TSC22D2: variants seen among roughly 807,000 people sequenced by gnomAD.
TSC22D2 encodes the protein TSC22 domain family member 2.
TSC22D2 carries 5 observed loss-of-function variants against 50.1 expected under a neutral mutation model. The observed-to-expected ratio is 0.10, with a 90% confidence interval of 0.05 to 0.21. The LOEUF (loss-of-function observed/expected upper bound fraction) is 0.21. Among genes scored for constraint, TSC22D2 ranks in the 10% least tolerant of loss-of-function variants. The pLI, the probability that TSC22D2 is intolerant of heterozygous loss-of-function variation, is 1.00. For missense variants in TSC22D2, 1,003 were observed against 1,015.5 expected, an observed-to-expected ratio of 0.99 and a Z score of 0.17; for synonymous variants, 501 against 450.1, an observed-to-expected ratio of 1.11 and a Z score of -1.43.
intron 1 of TSC22D2, among the ~76,000 whole-genome samples, chr3:150,426,743 A>C (rs1016258570): frequency 6.6e-6 from 1 of 152,188 alleles, no homozygotes; most frequent in Non-Finnish European, 1.5e-5. Flanking sequence ...TTTAGAGAGA[A>C]GTTAATAAGG....
At chr3:150,445,080 GT>G (rs2108093740) in intron 1 of TSC22D2, among the ~76,000 whole-genome samples, 1 of 151,952 alleles carries the variant, frequency 6.6e-6, no homozygotes, top group Non-Finnish European at 1.5e-5. Context: ...TTATATTTCA[GT>G]GGGCTTTGGA....
At position 150,410,250 on chromosome 3, in the gene TSC22D2, C is replaced by G. The variant is rs771370449; in HGVS notation, c.900C>G (p.Thr300=). The change falls in exon 1 of 3, where the codon ACC becomes ACG. Residue 300 remains threonine (T), a synonymous_variant. Transcript: ENST00000688009. The stretch of plus-strand genomic sequence containing the variant: ...TGCCGCCGTTCCCGGGAGCCGCGAC[C>G]GGGCCGCAGCCAATGATGGCAGCCG... ...APLPPFPGAA[T]GPQPMMAAAQ... The G allele has an allele frequency of 1.3e-5, 21 of 1,557,570 alleles. No homozygotes were observed. Among genetic ancestry groups the G allele is most frequent in the Non-Finnish European group, 1.8e-5 (21 of 1,152,172 alleles).
chr3:150,421,635 T>G (rs1720013073), intron 1 of TSC22D2, among the ~76,000 whole-genome samples: 1 of 152,154 alleles, frequency 6.6e-6, no homozygotes, highest in South Asian at 2.1e-4. Context: ...ATTAGTCTCC[T>G]AATTAATCAA....
chr3:150,409,472 C>G lies in TSC22D2; in HGVS notation c.122C>G (p.Thr41Arg), dbSNP rs1719412473. The G allele has an allele frequency of 1.2e-6, 2 of 1,613,318 alleles. No individual in the cohort carries two copies. The highest frequency in any genetic ancestry group is 1.7e-6 in the Non-Finnish European group (2 of 1,179,848). The change falls in exon 1 of 3, where the codon ACA (threonine) becomes AGA (arginine). Residue 41 changes from threonine (T) to arginine (R), a missense_variant. By Grantham distance (71) the Thr-to-Arg change is moderately conservative. Around this residue, in one of 6 missense-constraint regions of TSC22D2, gnomAD observed 200 missense variants for 182.8 expected, o/e 1.09. Transcript: ENST00000688009. This position sits in a 1 kb window ranked among gnomAD's most constrained non-coding sequence, Gnocchi z 7.4. Reference protein sequence around the residue: ...ESLDDPDESRTEDVSSEIFDV... With the variant: ...ESLDDPDESRREDVSSEIFDV... ...TTGGACGACCCGGACGAGTCACGCA[C>G]AGAGGACGTCTCCTCCGAGATTTTC...
chr3:150,423,933 T>G (rs1026140686), intron 1 of TSC22D2, among the ~76,000 whole-genome samples: 2 of 152,216 alleles, frequency 1.3e-5, no homozygotes, highest in African/African-American at 4.8e-5. Flanking sequence ...ATTTGTGTCT[T>G]CTGGCATAGT....
At chr3:150,425,013 T>C (rs1720133130) in intron 1 of TSC22D2, among the ~76,000 whole-genome samples, 2 of 152,230 alleles carry the variant, frequency 1.3e-5, no homozygotes, top group South Asian at 4.1e-4. Context: ...CTGATAGGTA[T>C]ATCAGCTAAT....
chr3:150,410,786 A>T lies in TSC22D2; in HGVS notation c.1436A>T (p.Gln479Leu), dbSNP rs777539461. 1 of 1,612,396 alleles carries T rather than the reference A, an allele frequency of 6.2e-7. No homozygotes were observed. The highest frequency in any genetic ancestry group is 1.7e-5 in the Admixed American group (1 of 59,916). The change falls in exon 1 of 3, where the codon CAG becomes CTG. Residue 479 changes from glutamine to leucine, a missense_variant. Around this residue, in one of 6 missense-constraint regions of TSC22D2, gnomAD observed 696 missense variants for 647.8 expected, o/e 1.07. Coordinates refer to ENST00000688009, the MANE Select transcript of TSC22D2 (RefSeq NM_001303264.2). ...GGTCCTGCCGGGGCTGGGCAGCCCC[A>T]GTCCGTGCCTCCGCCGCAGATGGGT... ...CLGPAGAGQPQSVPPPQMGGS... is the reference protein window; with the variant it reads ...CLGPAGAGQPLSVPPPQMGGS...
chr3:150,452,948 A>C (rs1721084517), intron 1 of TSC22D2, among the ~76,000 whole-genome samples: 1 of 152,204 alleles, frequency 6.6e-6, no homozygotes, highest in Non-Finnish European at 1.5e-5. Flanking sequence ...TTTTGACTTT[A>C]TTTAGCATTT....
At chr3:150,455,954 T>TA (rs1459253628) in intron 1 of TSC22D2, among the ~76,000 whole-genome samples, 1 of 152,166 alleles carries the variant, frequency 6.6e-6, no homozygotes, top group Admixed American at 6.5e-5. Flanking sequence ...TACTACTTAA[T>TA]ACATGGTAGA....
rs568177632 is a variant in TSC22D2, at chr3:150,442,073, C to T, written c.1959-15003C>T. ...ATGTGAAAATGCAACAACCTTCTGA[C>T]TAGTCCTTGTCGTTTAAGTTTTCTA... On this transcript the variant is annotated intron_variant, in intron 1 of 2. Transcript: ENST00000688009. Among the ~76,000 whole-genome samples the T allele has an allele frequency of 2.0e-5, 3 of 152,294 alleles. No individual in the cohort carries two copies. In the East Asian group the frequency reaches 5.8e-4, roughly 29 times the overall value.
At chr3:150,452,969 A>G (rs1721085137) in intron 1 of TSC22D2, among the ~76,000 whole-genome samples, 1 of 152,214 alleles carries the variant, frequency 6.6e-6, no homozygotes, top group African/African-American at 2.4e-5. Context: ...CCAGTTTACC[A>G]TAATAGTTTA....
Position 150,425,907 on chromosome 3 carries a change from T to A in TSC22D2, c.1958+14599T>A, listed in dbSNP as rs532298165. On this transcript the variant is annotated intron_variant, in intron 1 of 2. Coordinates refer to ENST00000688009, the MANE Select transcript of TSC22D2 (RefSeq NM_001303264.2). ...CATATTTAAATTAGAATTGGCAAAT[T>A]AATAGACTTTTCACCAAGCAGCCTG... is the stretch of plus-strand genomic sequence containing the variant. Among the ~76,000 whole-genome samples, 3 of 152,320 alleles carry A rather than the reference T, an allele frequency of 2.0e-5. No individual in the cohort carries two copies. The East Asian group carries it at 5.8e-4, about 29-fold the overall frequency.
At chr3:150,416,934 T>G (rs750784653) in intron 1 of TSC22D2, among the ~76,000 whole-genome samples, 1 of 152,148 alleles carries the variant, frequency 6.6e-6, no homozygotes, top group Non-Finnish European at 1.5e-5. Context: ...TTTGATTCCT[T>G]TGTACCCAAG....
rs1721528665 is a variant in TSC22D2, at chr3:150,465,897, AC to A, written c.*7262del. On this transcript the variant is annotated 3_prime_UTR_variant, in exon 3 of 3. Transcript: ENST00000688009. ...ATTTCTATTATCAGATCATAAAAAA[AC>A]ATAGTACATAGAGGGTTTGGTATTA... is the stretch of plus-strand genomic sequence containing the variant. 1 of 152,146 alleles carries A rather than the reference AC, an allele frequency of 6.6e-6. No individual in the cohort carries two copies. The highest frequency in any genetic ancestry group is 6.5e-5 in the Admixed American group (1 of 15,274). 9.4% of individuals were successfully genotyped at this position (152,146 alleles called of 1,614,324 possible).
intron 1 of TSC22D2, among the ~76,000 whole-genome samples, chr3:150,437,629 G>T (rs572978579): frequency 7.3e-5 from 11 of 150,036 alleles, no homozygotes; most frequent in African/African-American, 2.5e-4. Context: ...GTGAAACCCC[G>T]TCTCTACTAA....
chr3:150,449,128 T>A (rs1720966922), intron 1 of TSC22D2, among the ~76,000 whole-genome samples: 1 of 152,144 alleles, frequency 6.6e-6, no homozygotes, highest in Non-Finnish European at 1.5e-5. Context: ...TCACTTATGT[T>A]GATCATTGTT....
At chr3:150,417,155 T>C (rs1203528774) in intron 1 of TSC22D2, among the ~76,000 whole-genome samples, 1 of 152,140 alleles carries the variant, frequency 6.6e-6, no homozygotes, top group Admixed American at 6.5e-5. Context: ...TCCTAAAATT[T>C]GTCTAAAGAA....
intron 1 of TSC22D2, among the ~76,000 whole-genome samples, chr3:150,417,089 C>G (rs943255397): frequency 6.6e-5 from 10 of 152,062 alleles, no homozygotes; most frequent in African/African-American, 2.2e-4. Flanking sequence ...GTAGGCAGGA[C>G]AAATAAGTAA....
rs16862676 is a variant in TSC22D2 at position 150,461,152 on chromosome 3, C to T, written c.*2516C>T. 16,311 of 152,118 alleles carry T rather than the reference C, an allele frequency of 0.11. 1,226 individuals are homozygous for T. The highest frequency in any genetic ancestry group is 0.33 in the East Asian group (1,712 of 5,170). The allele number at this position is 152,118 out of a possible 1,614,324, so 9.4% of individuals were successfully genotyped here. On this transcript the variant is annotated 3_prime_UTR_variant, in exon 3 of 3. Transcript: ENST00000688009. ...TGTATCTAGAGCCTTAAATAATAAG[C>T]TTTCCAGTGTAACGACAGGAGAAGA...
Sources: allele counts gnomAD v4.1 joint callset (sites outside exome capture counted in the v4.1 genomes callset), GRCh38; gene constraint gnomAD v4.1.1; regional missense constraint gnomAD v4.1.1; non-coding constraint Gnocchi (gnomAD v3.1); transcripts MANE v1.5; gene names NCBI Gene and HGNC (gene_info 2026-07-23, HGNC 2026-07-21).